NRXN3: variants seen among roughly 807,000 people sequenced by gnomAD.
NRXN3 encodes the protein neurexin 3.
In NRXN3, 32 loss-of-function variants were observed where a neutral mutation model predicts 137.6. The observed-to-expected ratio is 0.23, with a 90% CI of 0.18 to 0.31. The LOEUF (loss-of-function observed/expected upper bound fraction) is 0.31. NRXN3 is among the 10% of genes least tolerant of loss of function. The pLI, the probability that NRXN3 is intolerant of heterozygous loss-of-function variation, is 1.00. For synonymous variants in NRXN3, 798 were observed against 784.5 expected (o/e 1.02, Z -0.29); for missense variants, 1,574 against 2,062.5 (o/e 0.76, Z 4.59).
intron 15 of NRXN3, among the ~76,000 whole-genome samples, chr14:79,085,752 G>A (rs2047973120): frequency 6.6e-6 from 1 of 152,132 alleles, no homozygotes; most frequent in Non-Finnish European, 1.5e-5. Context: ...AAGTCTGAAT[G>A]CAAGACTATT....
chr14:78,322,262 C>T (rs2079475468), intron 4 of NRXN3, among the ~76,000 whole-genome samples: 1 of 151,898 alleles, frequency 6.6e-6, no homozygotes, highest in Admixed American at 6.6e-5. Context: ...GGGAAAGCCA[C>T]AGATGTTAGG....
In NRXN3 at chr14:78,243,875, A is replaced by G. The variant is rs1567062213; in HGVS notation, c.709+73A>G. 1 of 1,099,606 alleles carries G rather than the reference A, an allele frequency of 9.1e-7. No individual in the cohort carries two copies. The highest frequency in any genetic ancestry group is 1.3e-6 in the Non-Finnish European group (1 of 766,890). 68.1% of individuals were successfully genotyped at this position (1,099,606 alleles called of 1,614,324 possible). A position where few individuals can be genotyped will look rare whatever the true frequency, so the allele number is the denominator to read the frequency against. On this transcript the variant is annotated intron_variant, in intron 2 of 20. Transcript: ENST00000335750. This position sits in a 1 kb window ranked among gnomAD's most constrained non-coding sequence, Gnocchi z 4.2. ...GAGGCTGGGGCTCCTGATACAAACC[A>G]GTTCTATATGGATGCATATCTTTAG...
chr14:78,205,031 G>A (rs1206354006), intron 1 of NRXN3, among the ~76,000 whole-genome samples: 1 of 152,126 alleles, frequency 6.6e-6, no homozygotes, highest in Admixed American at 6.5e-5. Flanking sequence ...GTGTTGATGG[G>A]GGCACAGGTA....
intron 4 of NRXN3, among the ~76,000 whole-genome samples, chr14:78,357,131 G>T (rs1321153491): frequency 2.0e-5 from 3 of 152,158 alleles, no homozygotes; most frequent in African/African-American, 7.2e-5. Flanking sequence ...CTGCGACTTG[G>T]CAGTTTACAA....
chr14:79,464,303 T>A (rs1262436959), intron 15 of NRXN3, among the ~76,000 whole-genome samples: 2 of 152,182 alleles, frequency 1.3e-5, no homozygotes, highest in African/African-American at 4.8e-5. Context: ...TAGAATCATC[T>A]AACATAGTGA....
chr14:78,429,331 G>A (rs1281832987), intron 4 of NRXN3, among the ~76,000 whole-genome samples: 1 of 151,926 alleles, frequency 6.6e-6, no homozygotes, highest in African/African-American at 2.4e-5. Context: ...CACCCGCCTC[G>A]GCCTCCCAAA....
intron 10 of NRXN3, among the ~76,000 whole-genome samples, chr14:78,812,668 A>G (rs2098917920): frequency 6.6e-6 from 1 of 152,188 alleles, no homozygotes; most frequent in Non-Finnish European, 1.5e-5. Flanking sequence ...AATATTTTCT[A>G]TTTACACCCC....
chr14:78,647,928 C>T (rs1294285925), intron 5 of NRXN3, among the ~76,000 whole-genome samples: 2 of 152,134 alleles, frequency 1.3e-5, no homozygotes, highest in Non-Finnish European at 2.9e-5. Context: ...CTTATAGCAG[C>T]CTTATTCATA....
chr14:79,049,072 A>AAAT lies in NRXN3; in HGVS notation c.3262+60954_3262+60956dup, dbSNP rs750758304. 5.2e-3 allele frequency among the ~76,000 whole-genome samples: 221 copies of AAAT among 42,460 alleles called. 4 individuals are homozygous for AAAT. Among genetic ancestry groups the AAAT allele is most frequent in the East Asian group, 0.013 (15 of 1,152 alleles). 27.9% of individuals were successfully genotyped at this position (42,460 alleles called of 152,430 possible). ...AAAAAAAAAAAAAAAAAAAAAAAAA[A>AAAT]AATAATAATAATAATAATAATAATA... On this transcript the variant is annotated intron_variant, in intron 15 of 20. Transcript: ENST00000335750.
At chr14:79,093,467 T>C (rs1166047271) in intron 15 of NRXN3, among the ~76,000 whole-genome samples, 1 of 152,102 alleles carries the variant, frequency 6.6e-6, no homozygotes, top group Non-Finnish European at 1.5e-5. Flanking sequence ...GAGAACAATA[T>C]GGAAAAGGAA....
chr14:79,706,987 G>C (rs571484788), intron 19 of NRXN3, among the ~76,000 whole-genome samples: 2 of 152,040 alleles, frequency 1.3e-5, no homozygotes, highest in African/African-American at 4.8e-5. Flanking sequence ...ACCGGACTTC[G>C]GGTACCCTAC....
At chr14:79,259,335 T>C (rs1405515819) in intron 15 of NRXN3, among the ~76,000 whole-genome samples, 1 of 149,640 alleles carries the variant, frequency 6.7e-6, no homozygotes, top group Admixed American at 6.6e-5. Context: ...ATCTTCCAGC[T>C]TTTTTTTCCT....
At chr14:79,366,663 G>T (rs561034703) in intron 15 of NRXN3, among the ~76,000 whole-genome samples, 1 of 152,160 alleles carries the variant, frequency 6.6e-6, no homozygotes, top group South Asian at 2.1e-4. Context: ...GTAGCTTGCT[G>T]CTCTTCATTC....
chr14:79,719,420 AC>A (rs1469901386), intron 19 of NRXN3, among the ~76,000 whole-genome samples: 1 of 78,100 alleles, frequency 1.3e-5, no homozygotes, highest in Admixed American at 1.6e-4. Context: ...ATATATATAT[AC>A]CTTTCCCATT....
chr14:78,932,224 A>C (rs2099324209), intron 10 of NRXN3, among the ~76,000 whole-genome samples: 1 of 152,042 alleles, frequency 6.6e-6, no homozygotes, highest in South Asian at 2.1e-4. Flanking sequence ...AATTGGATAG[A>C]AGTAGGGGAA....
intron 8 of NRXN3, among the ~76,000 whole-genome samples, chr14:78,788,584 A>T (rs193044532): frequency 6.6e-6 from 1 of 152,178 alleles, no homozygotes; most frequent in African/African-American, 2.4e-5. Flanking sequence ...CAAGGTCTCC[A>T]CTCACTTTAT....
chr14:79,775,238 A>G (rs982088368), intron 19 of NRXN3, among the ~76,000 whole-genome samples: 4 of 152,054 alleles, frequency 2.6e-5, no homozygotes, highest in African/African-American at 9.7e-5. Context: ...ACCAGAAGAT[A>G]TTTGTCACAT....
chr14:79,474,783 C>A (rs1287312914), intron 16 of NRXN3, among the ~76,000 whole-genome samples: 1 of 151,592 alleles, frequency 6.6e-6, no homozygotes, highest in Non-Finnish European at 1.5e-5. Flanking sequence ...TGGGAATATG[C>A]CACTTTGCAT....
At chr14:78,311,897 G>A (rs2078023178) in intron 4 of NRXN3, among the ~76,000 whole-genome samples, 1 of 152,126 alleles carries the variant, frequency 6.6e-6, no homozygotes, top group Non-Finnish European at 1.5e-5. Flanking sequence ...GCTCAAAGGA[G>A]ACTTAGAATT....
Sources: gnomAD v4.1 joint callset for allele counts (sites outside exome capture counted in the v4.1 genomes callset) on GRCh38, gnomAD v4.1.1 for gene constraint, Gnocchi (gnomAD v3.1) non-coding constraint, MANE v1.5 for transcripts, NCBI Gene and HGNC (gene_info 2026-07-23, HGNC 2026-07-21) for gene names.